Variants in KDM2A observed in about 807,000 individuals in gnomAD.
The protein encoded by KDM2A is lysine demethylase 2A.
Under a neutral mutation model 137.3 loss-of-function variants are expected in KDM2A, and 3 were observed. The observed-to-expected ratio is 0.02, with a 90% CI of 0.01 to 0.06. The LOEUF (loss-of-function observed/expected upper bound fraction) is 0.06. Ranked by LOEUF, KDM2A falls within the 10% of genes least tolerant of loss-of-function variation. The probability of loss-of-function intolerance (pLI) is 1.00; values close to 1 mark genes in which losing one functional copy is unlikely to be tolerated. For synonymous variants in KDM2A, 512 were observed against 541.5 expected, an observed-to-expected ratio of 0.95 and a Z score of 0.76; for missense variants, 738 against 1,510.6, an observed-to-expected ratio of 0.49 and a Z score of 8.48.
intron 11 of KDM2A, among the ~76,000 whole-genome samples, chr11:67,229,455 C>T (rs1046516078): frequency 3.9e-5 from 6 of 152,222 alleles, no homozygotes; most frequent in African/African-American, 1.2e-4. Flanking sequence ...GGTGAGGACT[C>T]AACACCATAA....
chr11:67,201,375 T>C (rs1857619092), intron 5 of KDM2A, among the ~76,000 whole-genome samples: 1 of 151,984 alleles, frequency 6.6e-6, no homozygotes, highest in Non-Finnish European at 1.5e-5. Flanking sequence ...GCATAGTGGC[T>C]CATGTCTGTA....
At chr11:67,181,101 A>G (rs1455182842) in intron 3 of KDM2A, among the ~76,000 whole-genome samples, 1 of 151,962 alleles carries the variant, frequency 6.6e-6, no homozygotes, top group African/African-American at 2.4e-5. Flanking sequence ...GACTTGGAAT[A>G]TAGACTTGGA....
At chr11:67,163,255 C>T (rs1291404280) in intron 2 of KDM2A, among the ~76,000 whole-genome samples, 1 of 152,164 alleles carries the variant, frequency 6.6e-6, no homozygotes, top group East Asian at 1.9e-4. Context: ...AGGGCAGGGC[C>T]TTCTCAAATA....
intron 5 of KDM2A, among the ~76,000 whole-genome samples, chr11:67,192,202 C>T (rs778696566): frequency 6.6e-6 from 1 of 151,934 alleles, no homozygotes; most frequent in African/African-American, 2.4e-5. Context: ...TTTCCTTCCT[C>T]CTCTCTCCAG....
chr11:67,188,574 T>G (rs1857266728), intron 5 of KDM2A, among the ~76,000 whole-genome samples: 1 of 151,746 alleles, frequency 6.6e-6, no homozygotes, highest in South Asian at 2.1e-4. Flanking sequence ...GAAGATTGCT[T>G]AAGCCCAGGA....
intron 5 of KDM2A, among the ~76,000 whole-genome samples, chr11:67,204,656 T>A: frequency 6.6e-6 from 1 of 152,026 alleles, no homozygotes; most frequent in Non-Finnish European, 1.5e-5. Flanking sequence ...CACACCTGGC[T>A]AATTTTTTGT....
chr11:67,240,140 G>A, intron 12 of KDM2A: 2 of 1,412,618 alleles, frequency 1.4e-6, no homozygotes, highest in South Asian at 3.1e-5. Context: ...GCTCGAGAAG[G>A]AGCCCAGAGC....
At chr11:67,195,114 T>C (rs1156647165) in intron 5 of KDM2A, among the ~76,000 whole-genome samples, 1 of 152,144 alleles carries the variant, frequency 6.6e-6, no homozygotes, top group South Asian at 2.1e-4. Context: ...TCAGAACCCA[T>C]TGAGAATAGT....
intron 2 of KDM2A, among the ~76,000 whole-genome samples, chr11:67,121,701 A>C (rs1035064668): frequency 1.3e-5 from 2 of 152,196 alleles, no homozygotes; most frequent in Non-Finnish European, 2.9e-5. Flanking sequence ...TTAGAATATA[A>C]ATTTTGGGGG....
At chr11:67,246,543 T>C (rs923115804) in intron 15 of KDM2A, among the ~76,000 whole-genome samples, 1 of 151,868 alleles carries the variant, frequency 6.6e-6, no homozygotes, top group African/African-American at 2.4e-5. Flanking sequence ...GCTGAGTCTG[T>C]ATCAGACTCA....
At chr11:67,152,096 C>G (rs986310506) in intron 2 of KDM2A, among the ~76,000 whole-genome samples, 1 of 151,848 alleles carries the variant, frequency 6.6e-6, no homozygotes, top group Non-Finnish European at 1.5e-5. Context: ...AGGCAGATCA[C>G]TTGAGCCCAG....
rs1408251622 is a variant in KDM2A, at chr11:67,255,114, G to A, written c.*59G>A. 6.7e-7 allele frequency: 1 copy of A among 1,502,948 alleles called. No individual in the cohort carries two copies. Among genetic ancestry groups the A allele is most frequent in the East Asian group, 2.4e-5 (1 of 41,620 alleles). 93.1% of individuals were successfully genotyped at this position (1,502,948 alleles called of 1,614,324 possible). ...TCTTCCCCTGACTCCCCACCGAGGA[G>A]AGCCTCTCCTCGACCCTGCACGGGC... On this transcript the variant is annotated 3_prime_UTR_variant, in exon 21 of 21. Coordinates refer to ENST00000529006, the MANE Select transcript of KDM2A (RefSeq NM_012308.3).
intron 5 of KDM2A, among the ~76,000 whole-genome samples, chr11:67,192,913 G>T (rs1857391523): frequency 6.6e-6 from 1 of 152,100 alleles, no homozygotes; most frequent in Non-Finnish European, 1.5e-5. Flanking sequence ...ACTTTGTTGA[G>T]TCAAGTAGGA....
intron 2 of KDM2A, among the ~76,000 whole-genome samples, chr11:67,126,022 G>A (rs1306955041): frequency 6.6e-6 from 1 of 150,906 alleles, no homozygotes; most frequent in African/African-American, 2.4e-5. Flanking sequence ...GAGGCGGGTG[G>A]ATCACCTGAG....
chr11:67,138,484 G>A (rs1856020033), intron 2 of KDM2A, among the ~76,000 whole-genome samples: 1 of 152,058 alleles, frequency 6.6e-6, no homozygotes, highest in Non-Finnish European at 1.5e-5. Flanking sequence ...GAACTAGTTA[G>A]AAAGGGAATT....
chr11:67,137,880 C>T (rs1265167381), intron 2 of KDM2A, among the ~76,000 whole-genome samples: 1 of 152,118 alleles, frequency 6.6e-6, no homozygotes, highest in Non-Finnish European at 1.5e-5. Context: ...TCACTGCAAC[C>T]TCTGCCTCCC....
chr11:67,180,669 T>C (rs1369865520), intron 3 of KDM2A, among the ~76,000 whole-genome samples: 2 of 152,074 alleles, frequency 1.3e-5, no homozygotes, highest in Admixed American at 1.3e-4. Context: ...CTTTTTTTTT[T>C]GGAGACGGAG....
intron 2 of KDM2A, among the ~76,000 whole-genome samples, chr11:67,164,502 C>T (rs986082743): frequency 3.3e-5 from 5 of 151,700 alleles, no homozygotes; most frequent in East Asian, 1.9e-4. Context: ...TTTTTTGTAG[C>T]GATGGGACAT....
At chr11:67,187,862 A>C (rs1857246815) in intron 5 of KDM2A, among the ~76,000 whole-genome samples, 1 of 152,110 alleles carries the variant, frequency 6.6e-6, no homozygotes, top group African/African-American at 2.4e-5. Flanking sequence ...GGCGTGAGCC[A>C]TGGCACCGGG....
Sources: allele counts gnomAD v4.1 joint callset (sites outside exome capture counted in the v4.1 genomes callset), GRCh38; gene constraint gnomAD v4.1.1; transcripts MANE v1.5; gene names NCBI Gene and HGNC (gene_info 2026-07-23, HGNC 2026-07-21).